ANKS1B: variants seen among roughly 807,000 people sequenced by gnomAD.
ANKS1B encodes the protein ankyrin repeat and sterile alpha motif domain containing 1B, also known as ankyrin repeat and sterile alpha motif domain-containing protein 1B.
ANKS1B carries 36 observed loss-of-function variants against 148.3 expected under a neutral mutation model. The observed-to-expected ratio is 0.24, with a 90% CI of 0.19 to 0.32. The LOEUF (loss-of-function observed/expected upper bound fraction) is 0.32, where lower values mean the gene tolerates loss of function less well. ANKS1B is among the 10% of genes least tolerant of loss of function. ANKS1B has a pLI of 1.00. For missense variants in ANKS1B, 1,157 were observed against 1,542.6 expected, an observed-to-expected ratio of 0.75 and a Z score of 4.19; for synonymous variants, 542 against 560.8, an observed-to-expected ratio of 0.97 and a Z score of 0.47.
At chr12:99,519,231 A>C (rs571846065) in intron 9 of ANKS1B, among the ~76,000 whole-genome samples, 1 of 152,232 alleles carries the variant, frequency 6.6e-6, no homozygotes, top group East Asian at 1.9e-4. Flanking sequence ...GTATCTATTA[A>C]GTGAATTTGA....
chr12:99,788,643 A>G (rs2065264282), intron 4 of ANKS1B, among the ~76,000 whole-genome samples: 1 of 152,100 alleles, frequency 6.6e-6, no homozygotes, highest in Non-Finnish European at 1.5e-5. Flanking sequence ...CCACAGTAGG[A>G]AAAAACAAGC....
At position 99,921,680 on chromosome 12, in the gene ANKS1B, T is replaced by G. The variant is rs1468709961; in HGVS notation, c.134+62424A>C. Among the ~76,000 whole-genome samples, 3 of 152,050 alleles carry G rather than the reference T, an allele frequency of 2.0e-5. No homozygotes were observed. In the East Asian group the frequency reaches 5.8e-4, roughly 29 times the overall value. Reference sequence around the variant, plus strand: ...AAATTAATGAACAGAAAAAAATCTGTTTTGGAGATAAAAACCAGAGAACCA... The same window carrying G: ...AAATTAATGAACAGAAAAAAATCTGGTTTGGAGATAAAAACCAGAGAACCA... On this transcript the variant is annotated intron_variant, in intron 1 of 26. Coordinates refer to ENST00000683438, the MANE Select transcript of ANKS1B (RefSeq NM_001352186.2).
intron 10 of ANKS1B, among the ~76,000 whole-genome samples, chr12:99,469,759 T>C (rs2152898316): frequency 1.3e-5 from 2 of 152,314 alleles, no homozygotes; most frequent in East Asian, 3.9e-4. Flanking sequence ...AGTTTAAATT[T>C]AAATGATTAA....
At chr12:99,583,426 G>A (rs544400117) in intron 9 of ANKS1B, among the ~76,000 whole-genome samples, 2 of 152,270 alleles carry the variant, frequency 1.3e-5, no homozygotes, top group Admixed American at 1.3e-4. Flanking sequence ...GCTAGGTACT[G>A]TGCATAATGC....
intron 15 of ANKS1B, among the ~76,000 whole-genome samples, chr12:99,089,170 A>AT (rs11350172): frequency 2.6e-4 from 39 of 149,026 alleles, no homozygotes; most frequent in East Asian, 2.6e-3. Context: ...CTCCTCCATC[A>AT]TTTTTTTTTT....
intron 11 of ANKS1B, among the ~76,000 whole-genome samples, chr12:99,414,529 C>T (rs1009347849): frequency 2.3e-5 from 3 of 129,396 alleles, no homozygotes; most frequent in Admixed American, 7.5e-5. Context: ...ATGTCCTTTG[C>T]AGGGACATGG....
chr12:99,835,003 A>G (rs1399063952), intron 1 of ANKS1B, among the ~76,000 whole-genome samples: 1 of 152,178 alleles, frequency 6.6e-6, no homozygotes, highest in Non-Finnish European at 1.5e-5. Context: ...TACATATGCT[A>G]CTGATTACTA....
At chr12:98,861,860 T>C (rs2099600748) in intron 17 of ANKS1B, among the ~76,000 whole-genome samples, 1 of 152,214 alleles carries the variant, frequency 6.6e-6, no homozygotes, top group Admixed American at 6.5e-5. Context: ...TGCTGCTTTT[T>C]CCCACCACAA....
At chr12:99,078,659 A>C (rs115939703) in intron 16 of ANKS1B, among the ~76,000 whole-genome samples, 1 of 152,078 alleles carries the variant, frequency 6.6e-6, no homozygotes, top group Non-Finnish European at 1.5e-5. Context: ...GGATTATTCC[A>C]TTTTAACTAC....
At chr12:99,678,593 A>G (rs2098595818) in intron 8 of ANKS1B, among the ~76,000 whole-genome samples, 1 of 152,112 alleles carries the variant, frequency 6.6e-6, no homozygotes, top group African/African-American at 2.4e-5. Context: ...GTGTTGGGCT[A>G]AGTACAATCC....
At chr12:99,582,342 ATT>A (rs1263804615) in intron 9 of ANKS1B, among the ~76,000 whole-genome samples, 1 of 151,572 alleles carries the variant, frequency 6.6e-6, no homozygotes, top group African/African-American at 2.4e-5. Context: ...ACATCTAGGT[ATT>A]TTTTAAAAAA....
chr12:99,568,419 C>T (rs547017566), intron 9 of ANKS1B, among the ~76,000 whole-genome samples: 2 of 151,532 alleles, frequency 1.3e-5, no homozygotes, highest in East Asian at 3.9e-4. Flanking sequence ...CTCACACCTG[C>T]AAAATCTCTT....
chr12:99,726,582 C>A (rs1365464766), intron 8 of ANKS1B, among the ~76,000 whole-genome samples: 2 of 152,166 alleles, frequency 1.3e-5, no homozygotes, highest in African/African-American at 4.8e-5. Flanking sequence ...TGGTGCCATT[C>A]CTTCTGAATA....
intron 1 of ANKS1B, among the ~76,000 whole-genome samples, chr12:99,924,694 C>A (rs1164126235): frequency 6.6e-6 from 1 of 152,082 alleles, no homozygotes; most frequent in Non-Finnish European, 1.5e-5. Context: ...GCATCTTCCA[C>A]TATTTGAGGA....
chr12:99,058,115 A>C (rs552558405), intron 16 of ANKS1B, among the ~76,000 whole-genome samples: 2 of 152,252 alleles, frequency 1.3e-5, no homozygotes, highest in African/African-American at 2.4e-5. Context: ...TAGTTTATGA[A>C]TCTATTGGCA....
At chr12:99,797,645 A>T (rs995965457) in intron 4 of ANKS1B, among the ~76,000 whole-genome samples, 4 of 151,958 alleles carry the variant, frequency 2.6e-5, no homozygotes, top group African/African-American at 9.7e-5. Flanking sequence ...CACTCATAAC[A>T]TCTCAGCACC....
intron 9 of ANKS1B, among the ~76,000 whole-genome samples, chr12:99,533,309 T>C (rs1287900763): frequency 6.6e-6 from 1 of 152,212 alleles, no homozygotes; most frequent in African/African-American, 2.4e-5. Flanking sequence ...GTAAATGGGA[T>C]TGAGTTCTTC....
intron 11 of ANKS1B, among the ~76,000 whole-genome samples, chr12:99,409,549 A>T (rs1024793649): frequency 3.3e-5 from 5 of 152,152 alleles, no homozygotes; most frequent in Non-Finnish European, 7.4e-5. Flanking sequence ...GCTTGAGTTG[A>T]TGAACACCCC....
At chr12:99,402,017 A>G (rs1461141582) in intron 11 of ANKS1B, among the ~76,000 whole-genome samples, 1 of 146,644 alleles carries the variant, frequency 6.8e-6, no homozygotes, top group African/African-American at 2.6e-5. Flanking sequence ...ATTTTCCACA[A>G]CACTTGAAAT....
Sources: gnomAD v4.1 joint callset for allele counts (sites outside exome capture counted in the v4.1 genomes callset) on GRCh38, gnomAD v4.1.1 for gene constraint, MANE v1.5 for transcripts, NCBI Gene and HGNC (gene_info 2026-07-23, HGNC 2026-07-21) for gene names.